Variants in PTN observed in about 807,000 individuals in gnomAD.
The protein encoded by PTN is heparin affin regulatory protein.
A neutral mutation model predicts 24.1 loss-of-function variants in PTN; 18 were observed. That is an observed-to-expected ratio of 0.75 (90% CI 0.52 to 1.11). The LOEUF (loss-of-function observed/expected upper bound fraction) is 1.11, where lower values mean the gene tolerates loss of function less well. Ranked by LOEUF, PTN falls within the 50% of genes least tolerant of loss-of-function variation. PTN has a pLI of 0.00. For synonymous variants in PTN, 78 were observed against 68.6 expected (o/e 1.14, Z -0.67); for missense variants, 163 against 198.8 (o/e 0.82, Z 1.08).
intron 1 of PTN, among the ~76,000 whole-genome samples, chr7:137,275,802 T>C (rs185049283): frequency 7.9e-5 from 12 of 152,294 alleles, no homozygotes; most frequent in Admixed American, 6.5e-5. Context: ...TAAAAATGTA[T>C]AGATCTCAGC....
intron 1 of PTN, among the ~76,000 whole-genome samples, chr7:137,263,460 G>T (rs1809079187): frequency 6.6e-6 from 1 of 152,158 alleles, no homozygotes; most frequent in African/African-American, 2.4e-5. Flanking sequence ...TTGATAGATA[G>T]CATTTCTTAT....
rs180951594 is a variant in PTN, at chr7:137,266,861, A to G, written c.-1-11887T>C. Reference sequence around the variant, plus strand: ...GTCTAAATTAACTTAGAATTTGTATAGATGGCCTTTTTTTTTTTTTTTTTT... The same window carrying G: ...GTCTAAATTAACTTAGAATTTGTATGGATGGCCTTTTTTTTTTTTTTTTTT... On this transcript the variant is annotated intron_variant, in intron 1 of 4. Coordinates refer to ENST00000348225, the MANE Select transcript of PTN (RefSeq NM_002825.7). 2.2e-5 allele frequency among the ~76,000 whole-genome samples: 3 copies of G among 133,582 alleles called. No individual in the cohort carries two copies. The East Asian group carries it at 7.0e-4, about 31-fold the overall frequency. The allele number at this position is 133,582 out of a possible 152,430, so 87.6% of individuals were successfully genotyped here.
intron 1 of PTN, among the ~76,000 whole-genome samples, chr7:137,338,061 T>C (rs550069680): frequency 6.6e-6 from 1 of 152,166 alleles, no homozygotes; most frequent in Non-Finnish European, 1.5e-5. Context: ...GAAGTCACTA[T>C]AAGGGGTGAT....
intron 1 of PTN, among the ~76,000 whole-genome samples, chr7:137,339,968 G>A (rs1810508913): frequency 6.6e-6 from 1 of 152,040 alleles, no homozygotes; most frequent in African/African-American, 2.4e-5. Context: ...CTTTTTTCAA[G>A]ATTAATATAC....
chr7:137,302,899 A>G (rs959778337), intron 1 of PTN, among the ~76,000 whole-genome samples: 2 of 152,014 alleles, frequency 1.3e-5, no homozygotes, highest in Non-Finnish European at 2.9e-5. Flanking sequence ...TGTAAACTGT[A>G]TGCAATTTAG....
In PTN at chr7:137,341,361, T is replaced by A. The variant is rs566034238; in HGVS notation, c.-2+2078A>T. Among the ~76,000 whole-genome samples the A allele has an allele frequency of 3.3e-5, 5 of 152,012 alleles. No individual in the cohort carries two copies. The East Asian group carries it at 9.7e-4, about 29-fold the overall frequency. On this transcript the variant is annotated intron_variant, in intron 1 of 4. Coordinates refer to ENST00000348225, the MANE Select transcript of PTN (RefSeq NM_002825.7). ...AAGAAATGTAGATCTTGTTATGTGT[T>A]GCTATATGTGAAGCCCAAATAAGGC...
intron 1 of PTN, among the ~76,000 whole-genome samples, chr7:137,257,114 T>C (rs1563202151): frequency 6.6e-6 from 1 of 152,230 alleles, no homozygotes; most frequent in African/African-American, 2.4e-5. Flanking sequence ...TTCCAACATA[T>C]GGATGAAGCA....
At chr7:137,256,388 C>T (rs753112157) in intron 1 of PTN, among the ~76,000 whole-genome samples, 4 of 152,114 alleles carry the variant, frequency 2.6e-5, no homozygotes, top group African/African-American at 4.8e-5. Context: ...CAATGTTCAA[C>T]TCCCAGTTAT....
At chr7:137,276,612 A>C (rs1381366884) in intron 1 of PTN, among the ~76,000 whole-genome samples, 1 of 152,064 alleles carries the variant, frequency 6.6e-6, no homozygotes, top group Non-Finnish European at 1.5e-5. Flanking sequence ...CCAGGCTTCT[A>C]TTGTCCCTTG....
intron 1 of PTN, among the ~76,000 whole-genome samples, chr7:137,256,881 A>T (rs1808936801): frequency 6.6e-6 from 1 of 152,330 alleles, no homozygotes; most frequent in Non-Finnish European, 1.5e-5. Context: ...TTCAAAAGAC[A>T]TTTCTGCAGC....
intron 1 of PTN, among the ~76,000 whole-genome samples, chr7:137,339,099 A>G (rs766898166): frequency 3.3e-5 from 5 of 152,198 alleles, no homozygotes; most frequent in Non-Finnish European, 5.9e-5. Flanking sequence ...AGACAATAAC[A>G]TATCAAGGAG....
intron 4 of PTN, 53 bp from the exon 5 acceptor site, chr7:137,228,128 T>A (rs1430326104): frequency 1.7e-6 from 2 of 1,173,550 alleles, no homozygotes; most frequent in African/African-American, 1.5e-5. Flanking sequence ...AATGTCAAGT[T>A]ACTAAATTGC....
intron 1 of PTN, among the ~76,000 whole-genome samples, chr7:137,321,994 T>A (rs1352510308): frequency 6.6e-6 from 1 of 152,206 alleles, no homozygotes; most frequent in Non-Finnish European, 1.5e-5. Flanking sequence ...TGTTATTTTA[T>A]CTCAGCCCAG....
At chr7:137,332,884 A>C (rs1176943417) in intron 1 of PTN, among the ~76,000 whole-genome samples, 2 of 152,176 alleles carry the variant, frequency 1.3e-5, no homozygotes, top group South Asian at 2.1e-4. Context: ...CTAGGTCTTG[A>C]AAAAAGCCAT....
At chr7:137,273,437 A>G (rs1420691837) in intron 1 of PTN, among the ~76,000 whole-genome samples, 3 of 152,224 alleles carry the variant, frequency 2.0e-5, no homozygotes, top group African/African-American at 7.2e-5. Flanking sequence ...ACAGTTCAGC[A>G]TGGCTGGGGA....
intron 1 of PTN, among the ~76,000 whole-genome samples, chr7:137,314,611 T>TTTTG (rs1329059151): frequency 7.9e-5 from 10 of 126,202 alleles, no homozygotes; most frequent in Admixed American, 3.4e-4. Flanking sequence ...TTTTTTTTTT[T>TTTTG]TTAGAGAGTC....
chr7:137,267,453 C>G lies in PTN; in HGVS notation c.-1-12479G>C, dbSNP rs377068577. On this transcript the variant is annotated intron_variant, in intron 1 of 4. Transcript: ENST00000348225. ...CTGTCTATGTACGGAAACTGGTCTG[C>G]GTGCCTTGGCTTACAGGTTACCTTG... Among the ~76,000 whole-genome samples, 703 of 152,186 alleles carry G rather than the reference C, an allele frequency of 4.6e-3. 2 individuals are homozygous for G. Among genetic ancestry groups the G allele is most frequent in the Admixed American group, 8.1e-3 (124 of 15,286 alleles).
chr7:137,286,016 T>C (rs1279746570), intron 1 of PTN, among the ~76,000 whole-genome samples: 2 of 152,146 alleles, frequency 1.3e-5, no homozygotes, highest in Non-Finnish European at 2.9e-5. Flanking sequence ...GGAAAATAAA[T>C]GCTACAGCCA....
At chr7:137,235,678 A>G (rs1298840592) in intron 4 of PTN, among the ~76,000 whole-genome samples, 1 of 152,070 alleles carries the variant, frequency 6.6e-6, no homozygotes, top group Non-Finnish European at 1.5e-5. Flanking sequence ...TGTGGAAAAC[A>G]TGTGTACATG....
Sources: gnomAD v4.1 joint callset for allele counts (sites outside exome capture counted in the v4.1 genomes callset) on GRCh38, gnomAD v4.1.1 for gene constraint, MANE v1.5 for transcripts, NCBI Gene and HGNC (gene_info 2026-07-23, HGNC 2026-07-21) for gene names.